Variants in TYMS observed in about 807,000 individuals in gnomAD.
The protein encoded by TYMS is thymidylate synthetase, also known as thymidylate synthase.
Under a neutral mutation model 39.3 loss-of-function variants are expected in TYMS, and 21 were observed. The observed-to-expected ratio is 0.54, with a 90% CI of 0.38 to 0.77. The LOEUF is 0.77. Ranked by LOEUF, TYMS falls within the 30% of genes least tolerant of loss-of-function variation. TYMS has a pLI of 0.00. For synonymous variants in TYMS, 171 were observed against 162.2 expected, an observed-to-expected ratio of 1.05 and a Z score of -0.41; for missense variants, 273 against 406.7, an observed-to-expected ratio of 0.67 and a Z score of 2.83.
chr18:657,908 C>T lies in TYMS; in HGVS notation c.166C>T (p.Leu56=), dbSNP rs776377282. ...GGACGACCGCACGGGCACCGGCACC[C>T]TGTCGGTATTCGGCATGCAGGCGCG... ...RKDDRTGTGT[L]SVFGMQARYS... is the part of the protein sequence containing the mutation. The change falls in exon 1 of 7, where the codon CTG becomes TTG. Residue 56 remains leucine, a synonymous_variant. Coordinates refer to ENST00000323274, the MANE Select transcript of TYMS (RefSeq NM_001071.4). 2 of 1,512,548 alleles carry T rather than the reference C, an allele frequency of 1.3e-6. No homozygotes were observed. Among genetic ancestry groups the T allele is most frequent in the Non-Finnish European group, 1.8e-6 (2 of 1,136,642 alleles). 93.7% of individuals were successfully genotyped at this position (1,512,548 alleles called of 1,614,324 possible).
At chr18:670,895 C>T in intron 5 of TYMS, 28 bp downstream of exon 5, 2 of 1,611,466 alleles carry the variant, frequency 1.2e-6, no homozygotes, top group Non-Finnish European at 8.5e-7. Context: ...GGGTGACTTG[C>T]CAGCCTACCA....
At chr18:662,663 C>T (rs189809692) in intron 3 of TYMS, among the ~76,000 whole-genome samples, 1 of 151,778 alleles carries the variant, frequency 6.6e-6, no homozygotes, top group Admixed American at 6.6e-5. Flanking sequence ...ATCCCTCCCC[C>T]CTCCTCCCAC....
intron 4 of TYMS, 180 bp downstream of exon 4, chr18:669,353 T>C (rs2074934564): frequency 6.1e-6 from 3 of 489,404 alleles, no homozygotes; most frequent in African/African-American, 2.1e-5. Context: ...GATCATGAGG[T>C]TGGGCCCAGA....
intron 4 of TYMS, among the ~76,000 whole-genome samples, chr18:669,703 T>C (rs2074948616): frequency 6.6e-6 from 1 of 152,120 alleles, no homozygotes; most frequent in African/African-American, 2.4e-5. Context: ...GCCTAGAAAC[T>C]ACATGTAAGA....
At chr18:661,364 C>T (rs2074753819) in intron 2 of TYMS, among the ~76,000 whole-genome samples, 1 of 152,150 alleles carries the variant, frequency 6.6e-6, no homozygotes, top group Non-Finnish European at 1.5e-5. Flanking sequence ...ATTGGTGACT[C>T]GATCAAATAC....
Position 662,137 on chromosome 18 carries a change from C to A in TYMS, c.280-9C>A. ...TGGATGCCTGCTCTGCTCTCCCCAT[C>A]TCTTCCAGGGATCCACAAATGCTAA... On this transcript the variant is annotated splice_polypyrimidine_tract_variant and intron_variant, in intron 2 of 6. Coordinates refer to ENST00000323274, the MANE Select transcript of TYMS (RefSeq NM_001071.4). 6.2e-7 allele frequency: 1 copy of A among 1,602,152 alleles called. No individual in the cohort carries two copies. The highest frequency in any genetic ancestry group is 1.1e-5 in the South Asian group (1 of 88,558).
chr18:657,661 TGCCTCCGTCCCGCCGCGCC>T lies in TYMS; in HGVS notation c.-81_-63del. 1 of 338,864 alleles carries T rather than the reference TGCCTCCGTCCCGCCGCGCC, an allele frequency of 3.0e-6. No individual in the cohort carries two copies. Among genetic ancestry groups the T allele is most frequent in the South Asian group, 6.3e-5 (1 of 15,980 alleles). 21.0% of individuals were successfully genotyped at this position (338,864 alleles called of 1,614,324 possible). ...GGTCCTGCCACCGCGCCACTTGGCC[TGCCTCCGTCCCGCCGCGCC>T]ACTTGGCCTGCCTCCGTCCCGCCGC... On this transcript the variant is annotated 5_prime_UTR_variant, in exon 1 of 7. Coordinates refer to ENST00000323274, the MANE Select transcript of TYMS (RefSeq NM_001071.4).
At chr18:659,333 G>C (rs1046572529) in intron 1 of TYMS, among the ~76,000 whole-genome samples, 2 of 152,164 alleles carry the variant, frequency 1.3e-5, no homozygotes, top group African/African-American at 4.8e-5. Context: ...ATTAGCACTA[G>C]TGGGCAGTGG....
intron 3 of TYMS, chr18:667,638 A>T (rs1164089631): frequency 4.0e-5 from 6 of 151,742 alleles, no homozygotes; most frequent in Admixed American, 3.3e-4. Flanking sequence ...ATGGTTGCCT[A>T]ACATCAGGAA....
chr18:661,942 G>A (rs547517633), intron 2 of TYMS, among the ~76,000 whole-genome samples: 7 of 152,340 alleles, frequency 4.6e-5, no homozygotes, highest in Middle Eastern at 6.8e-3. Context: ...CCACGATCGC[G>A]CCATTGCACT....
At chr18:668,624 A>T (rs2074906811) in intron 3 of TYMS, among the ~76,000 whole-genome samples, 3 of 152,218 alleles carry the variant, frequency 2.0e-5, no homozygotes, top group Admixed American at 6.5e-5. Flanking sequence ...AAGTATATGG[A>T]ATACTATATT....
At chr18:672,627 G>A in intron 6 of TYMS, 1 of 356,290 alleles carries the variant, frequency 2.8e-6, no homozygotes, top group Non-Finnish European at 5.1e-6. Context: ...GAGGCACCAG[G>A]CTCCTGATGC....
rs2144256034 is a variant in TYMS at position 658,934 on chromosome 18, TGGCGTGGGAC to T, written c.206-706_206-697del. On this transcript the variant is annotated intron_variant, in intron 1 of 6. Coordinates refer to ENST00000323274, the MANE Select transcript of TYMS (RefSeq NM_001071.4). This position sits in a 1 kb window ranked among gnomAD's most constrained non-coding sequence, Gnocchi z 4.5. The stretch of plus-strand genomic sequence containing the variant: ...ATACATAGCAGCTGCTGTGGCTGAT[TGGCGTGGGAC>T]AGCGTGGGGAGTTTTGTCTGAGGAG... Among the ~76,000 whole-genome samples the T allele has an allele frequency of 6.6e-6, 1 of 152,340 alleles. No homozygotes were observed. The highest frequency in any genetic ancestry group is 1.9e-4 in the East Asian group (1 of 5,182).
intron 3 of TYMS, 48 bp from the exon 4 acceptor site, chr18:669,024 T>C (rs780060533): frequency 6.7e-7 from 1 of 1,482,706 alleles, no homozygotes. Context: ...TCTCATGACA[T>C]GTGTGATTAA....
At chr18:670,930 A>G in intron 5 of TYMS, 63 bp downstream of exon 5, 1 of 1,556,792 alleles carries the variant, frequency 6.4e-7, no homozygotes, top group Non-Finnish European at 8.7e-7. Flanking sequence ...GTTCTTTAAT[A>G]TGGGAAAACA....
chr18:661,440 AG>A (rs2074754553), intron 2 of TYMS, among the ~76,000 whole-genome samples: 1 of 152,264 alleles, frequency 6.6e-6, no homozygotes, highest in Admixed American at 6.5e-5. Flanking sequence ...CCTGTATGCC[AG>A]GTAGAAGATA....
chr18:658,332 C>G lies in TYMS; in HGVS notation c.205+385C>G. ...CCGGTCTCAAAGTCCTGGCTTTGGC[C>G]CCTCCTCCGTTTTCCCCTGTGGACC... On this transcript the variant is annotated intron_variant, in intron 1 of 6. Coordinates refer to ENST00000323274, the MANE Select transcript of TYMS (RefSeq NM_001071.4). The surrounding 1 kb of genome is among the most constrained non-coding windows in gnomAD (Gnocchi z 4.5). 2 of 1,351,038 alleles carry G rather than the reference C, an allele frequency of 1.5e-6. No individual in the cohort carries two copies. The highest frequency in any genetic ancestry group is 2.0e-6 in the Non-Finnish European group (2 of 1,022,566). 83.7% of individuals were successfully genotyped at this position (1,351,038 alleles called of 1,614,324 possible). A position where few individuals can be genotyped will look rare whatever the true frequency, so the allele number is the denominator to read the frequency against.
intron 5 of TYMS, 168 bp downstream of exon 5, chr18:671,035 G>T (rs1226605719): frequency 1.2e-6 from 1 of 800,100 alleles, no homozygotes; most frequent in Non-Finnish European, 1.9e-6. Flanking sequence ...TCTTCTGGAA[G>T]GTTTTCTGGC....
At position 673,070 on chromosome 18, in the gene TYMS, T is replaced by A. The variant is rs2075140396; in HGVS notation, c.*73T>A. The A allele has an allele frequency of 1.4e-6, 2 of 1,424,046 alleles. No homozygotes were observed. The highest frequency in any genetic ancestry group is 1.9e-6 in the Non-Finnish European group (2 of 1,070,782). 88.2% of individuals were successfully genotyped at this position (1,424,046 alleles called of 1,614,324 possible). ...GGCTGGATGCCGAGGTAAAAGTTCT[T>A]TTTGCTCTAAAAGAAAAAGGAACTA... On this transcript the variant is annotated 3_prime_UTR_variant, in exon 7 of 7. Coordinates refer to ENST00000323274, the MANE Select transcript of TYMS (RefSeq NM_001071.4).
Sources: allele counts gnomAD v4.1 joint callset (sites outside exome capture counted in the v4.1 genomes callset), GRCh38; gene constraint gnomAD v4.1.1; non-coding constraint Gnocchi (gnomAD v3.1); transcripts MANE v1.5; gene names NCBI Gene and HGNC (gene_info 2026-07-23, HGNC 2026-07-21).